CYB5R4: variants seen among roughly 807,000 people sequenced by gnomAD.
CYB5R4 encodes N-terminal cytochrome b5 and cytochrome b5 oxidoreductase domain-containing protein.
In CYB5R4, 55 loss-of-function variants were observed where a neutral mutation model predicts 70.2. That is an observed-to-expected ratio of 0.78 (90% CI 0.63 to 0.98). The LOEUF is 0.98. Ranked by LOEUF, CYB5R4 falls within the 50% of genes least tolerant of loss-of-function variation. CYB5R4 has a pLI of 0.00. For synonymous variants in CYB5R4, 197 were observed against 199.5 expected, an observed-to-expected ratio of 0.99 and a Z score of 0.11; for missense variants, 562 against 612.6, an observed-to-expected ratio of 0.92 and a Z score of 0.87.
chr6:83,940,231 G>T (rs367762992), intron 13 of CYB5R4, 25 bp downstream of exon 13: 8 of 1,575,794 alleles, frequency 5.1e-6, no homozygotes, highest in Non-Finnish European at 6.9e-6. Flanking sequence ...CTCTAATTAC[G>T]ATCCTTTTTG....
chr6:83,942,404 G>A (rs1398131003), intron 14 of CYB5R4, among the ~76,000 whole-genome samples: 2 of 152,210 alleles, frequency 1.3e-5, no homozygotes, highest in Admixed American at 1.3e-4. Flanking sequence ...ATGAGGGACT[G>A]TGCCATGAGT....
chr6:83,901,124 G>A (rs905576991), intron 3 of CYB5R4, among the ~76,000 whole-genome samples: 1 of 152,218 alleles, frequency 6.6e-6, no homozygotes, highest in Non-Finnish European at 1.5e-5. Flanking sequence ...TCCGTGTTTG[G>A]TGCTCCCTTC....
chr6:83,903,281 AGTTTCT>A (rs1280399337), intron 3 of CYB5R4, among the ~76,000 whole-genome samples: 1 of 152,034 alleles, frequency 6.6e-6, no homozygotes, highest in African/African-American at 2.4e-5. Context: ...ATGATCATAC[AGTTTCT>A]GTTTTTCATT....
At chr6:83,891,895 A>T (rs1414906317) in intron 2 of CYB5R4, among the ~76,000 whole-genome samples, 3 of 152,228 alleles carry the variant, frequency 2.0e-5, no homozygotes, top group African/African-American at 7.2e-5. Context: ...ATTCCATCAC[A>T]AATGATCATG....
At chr6:83,936,412 C>T (rs1178382411) in intron 12 of CYB5R4, 36 bp downstream of exon 12, 1 of 1,574,140 alleles carries the variant, frequency 6.4e-7, no homozygotes, top group African/African-American at 1.4e-5. Flanking sequence ...CTCATTTGTG[C>T]TCTAGATTGG....
At chr6:83,902,749 G>C (rs759487455) in intron 3 of CYB5R4, among the ~76,000 whole-genome samples, 6 of 151,936 alleles carry the variant, frequency 3.9e-5, no homozygotes, top group Non-Finnish European at 8.8e-5. Flanking sequence ...TCATCTCTTT[G>C]GTTAAATTTA....
chr6:83,946,622 A>G (rs1163325374), intron 14 of CYB5R4, among the ~76,000 whole-genome samples: 2 of 152,204 alleles, frequency 1.3e-5, no homozygotes, highest in Non-Finnish European at 2.9e-5. Flanking sequence ...GAAAAGAGGA[A>G]GTCAAATTAT....
Position 83,898,458 on chromosome 6 carries a change from G to T in CYB5R4, c.330+4836G>T, listed in dbSNP as rs1356749787. ...ACTTGGCAATGTGGGCTCTTTTTTGGTTCCATGTGAACTTTAAAGTAGTTT... is the reference window on the plus strand; with the variant it reads ...ACTTGGCAATGTGGGCTCTTTTTTGTTTCCATGTGAACTTTAAAGTAGTTT... On this transcript the variant is annotated intron_variant, in intron 3 of 15. Transcript: ENST00000369681. 3.9e-5 allele frequency among the ~76,000 whole-genome samples: 6 copies of T among 152,062 alleles called. No homozygotes were observed. The East Asian group carries it at 1.2e-3, about 29-fold the overall frequency.
intron 14 of CYB5R4, among the ~76,000 whole-genome samples, chr6:83,954,035 T>C (rs542158439): frequency 5.1e-4 from 77 of 152,290 alleles, no homozygotes; most frequent in African/African-American, 1.8e-3. Context: ...TCCCAACCCC[T>C]TCTGGCACTT....
chr6:83,909,099 T>C lies in CYB5R4; in HGVS notation c.412+9T>C, dbSNP rs1212355900. 2 of 1,612,546 alleles carry C rather than the reference T, an allele frequency of 1.2e-6. No individual in the cohort carries two copies. The highest frequency in any genetic ancestry group is 3.3e-5 in the Admixed American group (2 of 59,960). ...ACCTGCTGTTCTGAAAGGTAAGTGG[T>C]GCTGGTGCTAAACCAGCATGGATGT... On this transcript the variant is annotated intron_variant, in intron 4 of 15. Coordinates refer to ENST00000369681, the MANE Select transcript of CYB5R4 (RefSeq NM_016230.4).
chr6:83,954,690 C>T (rs1472531087), intron 14 of CYB5R4, among the ~76,000 whole-genome samples: 2 of 151,540 alleles, frequency 1.3e-5, no homozygotes, highest in African/African-American at 2.4e-5. Flanking sequence ...AGAAATGTAG[C>T]GTTCTCTGAG....
chr6:83,864,650 A>G (rs2099456471), intron 2 of CYB5R4, among the ~76,000 whole-genome samples: 1 of 152,212 alleles, frequency 6.6e-6, no homozygotes, highest in Non-Finnish European at 1.5e-5. Context: ...TTTATATAGC[A>G]ATAACTTTCT....
intron 15 of CYB5R4, among the ~76,000 whole-genome samples, chr6:83,957,239 G>A (rs1414450650): frequency 6.6e-6 from 1 of 151,972 alleles, no homozygotes; most frequent in African/African-American, 2.4e-5. Context: ...ATGAAAAAAG[G>A]CTAAGAGCTG....
chr6:83,929,086 TA>T (rs2099467763), intron 10 of CYB5R4, among the ~76,000 whole-genome samples: 1 of 152,216 alleles, frequency 6.6e-6, no homozygotes, highest in South Asian at 2.1e-4. Flanking sequence ...GTTTAGGAGA[TA>T]TTTTTGTTTA....
intron 2 of CYB5R4, among the ~76,000 whole-genome samples, chr6:83,878,732 AT>A (rs113796937): frequency 0.15 from 21,856 of 148,376 alleles, 2,988 homozygotes; most frequent in African/African-American, 0.34. Context: ...CATGTAGTAC[AT>A]TTTTTTTTTT....
At chr6:83,931,304 T>G (rs1255515679) in intron 10 of CYB5R4, among the ~76,000 whole-genome samples, 1 of 152,192 alleles carries the variant, frequency 6.6e-6, no homozygotes, top group African/African-American at 2.4e-5. Context: ...GCTTTTTAAC[T>G]TCTATAAGCT....
intron 2 of CYB5R4, among the ~76,000 whole-genome samples, chr6:83,885,774 T>G (rs141829960): frequency 0.011 from 1,662 of 152,190 alleles, 17 homozygotes; most frequent in Middle Eastern, 0.024. Flanking sequence ...AAAAAAGAGC[T>G]CTCTGAAATT....
chr6:83,909,473 G>A (rs1198463689), intron 4 of CYB5R4, among the ~76,000 whole-genome samples: 1 of 152,122 alleles, frequency 6.6e-6, no homozygotes, highest in Non-Finnish European at 1.5e-5. Flanking sequence ...TTCCGACTCT[G>A]CGCCTTCACT....
intron 2 of CYB5R4, among the ~76,000 whole-genome samples, chr6:83,878,505 G>T (rs61761500): frequency 6.6e-6 from 1 of 151,994 alleles, no homozygotes; most frequent in African/African-American, 2.4e-5. Context: ...ACGCCACCAC[G>T]CCTGGCCAAT....
Sources: gnomAD v4.1 joint callset for allele counts (sites outside exome capture counted in the v4.1 genomes callset) on GRCh38, gnomAD v4.1.1 for gene constraint, MANE v1.5 for transcripts, NCBI Gene and HGNC (gene_info 2026-07-23, HGNC 2026-07-21) for gene names.